The following FGGY variants were observed in gnomAD, a reference collection of about 807,000 sequenced individuals.
FGGY encodes the protein FGGY carbohydrate kinase domain-containing protein.
In FGGY, 72 loss-of-function variants were observed where a neutral mutation model predicts 71.3. The observed-to-expected ratio is 1.01, with a 90% CI of 0.84 to 1.23. The LOEUF is 1.23. FGGY is among the 50% of genes most tolerant of loss of function. The pLI is 0.00. For missense variants in FGGY, 668 were observed against 682.3 expected (o/e 0.98, Z 0.23); for synonymous variants, 251 against 250.3 (o/e 1.00, Z -0.02).
At chr1:59,383,902 C>T (rs904490457) in intron 5 of FGGY, among the ~76,000 whole-genome samples, 4 of 152,120 alleles carry the variant, frequency 2.6e-5, no homozygotes, top group Non-Finnish European at 5.9e-5. Context: ...AGCTGTGCCC[C>T]GACCACCTTG....
intron 14 of FGGY, among the ~76,000 whole-genome samples, chr1:59,703,580 A>G (rs550169598): frequency 1.3e-5 from 2 of 152,336 alleles, no homozygotes; most frequent in South Asian, 2.1e-4. Flanking sequence ...GCAGTGCATG[A>G]TGGAAGTCAG....
chr1:59,582,744 G>A (rs1402201851), intron 8 of FGGY, among the ~76,000 whole-genome samples: 1 of 150,204 alleles, frequency 6.7e-6, no homozygotes, highest in Non-Finnish European at 1.5e-5. Context: ...CTTCCTTGCT[G>A]TGAATTCCTT....
At chr1:59,491,055 C>CT (rs1305546325) in intron 6 of FGGY, among the ~76,000 whole-genome samples, 61 of 174 alleles carry the variant, frequency 0.35, 13 homozygotes, top group African/African-American at 0.57. Context: ...TCCTTCCTTC[C>CT]TTCCTTCCTT....
At chr1:59,568,586 A>G (rs2095921327) in intron 8 of FGGY, among the ~76,000 whole-genome samples, 1 of 152,164 alleles carries the variant, frequency 6.6e-6, no homozygotes, top group South Asian at 2.1e-4. Flanking sequence ...TATGGAGACA[A>G]CAAACCTTGG....
At chr1:59,415,941 C>T (rs1197644953) in intron 5 of FGGY, among the ~76,000 whole-genome samples, 1 of 152,182 alleles carries the variant, frequency 6.6e-6, no homozygotes, top group Admixed American at 6.5e-5. Context: ...GTACCTACAT[C>T]CCTTATTGAA....
chr1:59,629,054 C>G (rs934208354), intron 10 of FGGY, among the ~76,000 whole-genome samples: 1 of 151,792 alleles, frequency 6.6e-6, no homozygotes, highest in East Asian at 1.9e-4. Flanking sequence ...CATCACACAC[C>G]GAGGCCTGTC....
chr1:59,665,339 C>G (rs2097313733), intron 12 of FGGY, among the ~76,000 whole-genome samples: 1 of 152,172 alleles, frequency 6.6e-6, no homozygotes, highest in Admixed American at 6.5e-5. Context: ...CACACTACAT[C>G]TGTAGATTGT....
intron 14 of FGGY, among the ~76,000 whole-genome samples, chr1:59,724,855 G>A (rs1470659637): frequency 6.6e-6 from 1 of 152,070 alleles, no homozygotes; most frequent in Non-Finnish European, 1.5e-5. Flanking sequence ...AATTTTAAGA[G>A]TTCTTTGTAT....
At chr1:59,351,222 G>A (rs970010530) in intron 4 of FGGY, among the ~76,000 whole-genome samples, 4 of 152,238 alleles carry the variant, frequency 2.6e-5, no homozygotes, top group East Asian at 1.9e-4. Flanking sequence ...AGACTATGTC[G>A]CCTACAGGGC....
intron 6 of FGGY, among the ~76,000 whole-genome samples, chr1:59,499,102 T>G (rs1330328292): frequency 6.6e-6 from 1 of 152,252 alleles, no homozygotes; most frequent in South Asian, 2.1e-4. Flanking sequence ...TGATCTCTAT[T>G]TCTCAGCCCC....
At chr1:59,417,462 A>G (rs1260725194) in intron 5 of FGGY, among the ~76,000 whole-genome samples, 1 of 152,184 alleles carries the variant, frequency 6.6e-6, no homozygotes, top group Non-Finnish European at 1.5e-5. Context: ...AGCCTATTAG[A>G]AGGAGTGGAA....
chr1:59,651,011 CA>C (rs1407967143), intron 11 of FGGY, among the ~76,000 whole-genome samples: 2 of 151,388 alleles, frequency 1.3e-5, no homozygotes, highest in Admixed American at 6.6e-5. Context: ...GTTATGTACC[CA>C]GTAGTCATTC....
chr1:59,384,564 T>G (rs2059862826), intron 5 of FGGY, among the ~76,000 whole-genome samples: 1 of 152,202 alleles, frequency 6.6e-6, no homozygotes, highest in African/African-American at 2.4e-5. Flanking sequence ...TATTAGCGAT[T>G]TCATTTAGTT....
At chr1:59,578,222 C>G (rs1558412989) in intron 8 of FGGY, among the ~76,000 whole-genome samples, 1 of 152,070 alleles carries the variant, frequency 6.6e-6, no homozygotes, top group Non-Finnish European at 1.5e-5. Flanking sequence ...TAAGGTTCAA[C>G]TAGAGGAGCA....
intron 6 of FGGY, among the ~76,000 whole-genome samples, chr1:59,501,957 C>T (rs1170897585): frequency 6.6e-6 from 1 of 152,296 alleles, no homozygotes; most frequent in South Asian, 2.1e-4. Flanking sequence ...GTCATAATAA[C>T]CATAATTTTA....
At chr1:59,747,980 C>T (rs2098214441) in intron 14 of FGGY, among the ~76,000 whole-genome samples, 1 of 152,174 alleles carries the variant, frequency 6.6e-6, no homozygotes. Context: ...TAAGCAAGTA[C>T]TTAACCTCTC....
chr1:59,719,356 G>T (rs2097868202), intron 14 of FGGY, among the ~76,000 whole-genome samples: 1 of 152,112 alleles, frequency 6.6e-6, no homozygotes, highest in Non-Finnish European at 1.5e-5. Context: ...ATCCAGTTCT[G>T]CCACTTGCTA....
At chr1:59,518,178 A>G (rs1194423444) in intron 7 of FGGY, among the ~76,000 whole-genome samples, 1 of 152,214 alleles carries the variant, frequency 6.6e-6, no homozygotes, top group Non-Finnish European at 1.5e-5. Flanking sequence ...TTCTTTTTAA[A>G]TGGAAGAATT....
At chr1:59,638,156 G>A (rs2096980563) in intron 10 of FGGY, 72 bp from the exon 11 acceptor site, 7 of 1,473,998 alleles carry the variant, frequency 4.7e-6, no homozygotes, top group Non-Finnish European at 6.5e-6. Flanking sequence ...AGTACAAATG[G>A]TTTCTTTCTA....
Sources: allele counts gnomAD v4.1 joint callset (sites outside exome capture counted in the v4.1 genomes callset), GRCh38; gene constraint gnomAD v4.1.1; transcripts MANE v1.5; gene names NCBI Gene and HGNC (gene_info 2026-07-23, HGNC 2026-07-21).